Variants in FRS2 observed in about 807,000 individuals in gnomAD.
FRS2 encodes fibroblast growth factor receptor substrate 2, also known as FGFR signalling adaptor.
In FRS2, 8 loss-of-function variants were observed where a neutral mutation model predicts 43.9. That is an observed-to-expected ratio of 0.18 (90% confidence interval 0.11 to 0.33). The LOEUF is 0.33. Ranked by LOEUF, FRS2 falls within the 10% of genes least tolerant of loss-of-function variation. FRS2 has a pLI of 1.00. For synonymous variants in FRS2, 219 were observed against 220.3 expected, an observed-to-expected ratio of 0.99 and a Z score of 0.05; for missense variants, 534 against 627.6, an observed-to-expected ratio of 0.85 and a Z score of 1.59.
chr12:69,475,419 T>C lies in FRS2; in HGVS notation c.-261+4889T>C, dbSNP rs1870676086. Among the ~76,000 whole-genome samples, 7 of 152,154 alleles carry C rather than the reference T, an allele frequency of 4.6e-5. No homozygotes were observed. In the South Asian group the frequency reaches 1.4e-3, roughly 32 times the overall value. ...TGGCTTAGTTTCAGTAAGCCTGGTATTAATGAGGCAAAGGTCAGGAGTTCC... is the reference window on the plus strand; with the variant it reads ...TGGCTTAGTTTCAGTAAGCCTGGTACTAATGAGGCAAAGGTCAGGAGTTCC... On this transcript the variant is annotated intron_variant, in intron 1 of 8. Transcript: ENST00000549921.
At position 69,503,537 on chromosome 12, in the gene FRS2, C is replaced by G. The variant is rs538266916; in HGVS notation, c.-260-27328C>G. 7.9e-5 allele frequency among the ~76,000 whole-genome samples: 12 copies of G among 152,260 alleles called. No individual in the cohort carries two copies. The South Asian group carries it at 2.5e-3, about 32-fold the overall frequency. ...ATTGCATGGCTGCCAGTAAGTGATG[C>G]AGTCGCCTCTTGTGTGTGGTGTGTG... On this transcript the variant is annotated intron_variant, in intron 1 of 8. Coordinates refer to ENST00000549921, the MANE Select transcript of FRS2 (RefSeq NM_001278356.2).
chr12:69,502,978 C>T (rs549530821), intron 1 of FRS2, among the ~76,000 whole-genome samples: 1 of 152,246 alleles, frequency 6.6e-6, no homozygotes, highest in Non-Finnish European at 1.5e-5. Context: ...TCAGTGGCAC[C>T]CACAGTTCTA....
intron 1 of FRS2, among the ~76,000 whole-genome samples, chr12:69,527,221 C>A (rs1222941772): frequency 6.6e-6 from 1 of 152,010 alleles, no homozygotes; most frequent in Non-Finnish European, 1.5e-5. Flanking sequence ...TGGATTCACC[C>A]CTTAATGCCC....
chr12:69,571,015 A>G (rs546083114), intron 6 of FRS2, among the ~76,000 whole-genome samples: 1 of 152,322 alleles, frequency 6.6e-6, no homozygotes, highest in East Asian at 1.9e-4. Context: ...GAAACAGACT[A>G]GCGTAAGTGC....
intron 3 of FRS2, among the ~76,000 whole-genome samples, chr12:69,558,580 C>A (rs1203529374): frequency 2.0e-5 from 3 of 152,104 alleles, no homozygotes; most frequent in African/African-American, 7.2e-5. Context: ...TCTTCTTAAT[C>A]TGGATTGCCC....
intron 7 of FRS2, among the ~76,000 whole-genome samples, chr12:69,571,667 T>C (rs1474413318): frequency 1.3e-5 from 2 of 152,152 alleles, no homozygotes; most frequent in Non-Finnish European, 2.9e-5. Flanking sequence ...CGAGACCATC[T>C]TGGCTAACAC....
intron 1 of FRS2, among the ~76,000 whole-genome samples, chr12:69,496,231 T>C (rs1183853379): frequency 6.6e-6 from 1 of 151,940 alleles, no homozygotes; most frequent in Non-Finnish European, 1.5e-5. Flanking sequence ...GGTCAGGAGA[T>C]CGAGACCATC....
At chr12:69,556,487 C>T (rs996482469) in intron 3 of FRS2, among the ~76,000 whole-genome samples, 13 of 152,058 alleles carry the variant, frequency 8.5e-5, no homozygotes, top group Non-Finnish European at 1.0e-4. Flanking sequence ...CATGTACCAT[C>T]GCACCCGGCT....
chr12:69,531,855 T>G (rs1013759797), intron 2 of FRS2, among the ~76,000 whole-genome samples, 159 bp from the exon 3 acceptor site: 1 of 152,220 alleles, frequency 6.6e-6, no homozygotes, highest in African/African-American at 2.4e-5. Flanking sequence ...TTATAACACA[T>G]ACTTTTGTTA....
chr12:69,519,230 C>T (rs772724322), intron 1 of FRS2, among the ~76,000 whole-genome samples: 30 of 152,022 alleles, frequency 2.0e-4, no homozygotes, highest in African/African-American at 6.8e-4. Context: ...AAGTCAGTTC[C>T]CTGGGATTGT....
At chr12:69,479,273 A>G (rs889368580) in intron 1 of FRS2, among the ~76,000 whole-genome samples, 1 of 151,666 alleles carries the variant, frequency 6.6e-6, no homozygotes, top group African/African-American at 2.4e-5. Flanking sequence ...TATATTCTAG[A>G]TTAGCAGTTG....
chr12:69,532,625 C>T (rs1291958007), intron 3 of FRS2, among the ~76,000 whole-genome samples: 1 of 152,150 alleles, frequency 6.6e-6, no homozygotes, highest in East Asian at 1.9e-4. Context: ...AAGGTCCCGT[C>T]TCTTAATACT....
At chr12:69,563,593 G>T (rs984492425) in intron 4 of FRS2, among the ~76,000 whole-genome samples, 2 of 152,076 alleles carry the variant, frequency 1.3e-5, no homozygotes, top group African/African-American at 4.8e-5. Context: ...CTATCCTGTG[G>T]ACTGCTGAGC....
At chr12:69,554,613 T>C (rs1565770478) in intron 3 of FRS2, among the ~76,000 whole-genome samples, 1 of 152,250 alleles carries the variant, frequency 6.6e-6, no homozygotes. Context: ...TACAATACTA[T>C]TAACTAAACT....
At chr12:69,497,487 C>T (rs910111920) in intron 1 of FRS2, among the ~76,000 whole-genome samples, 8 of 152,162 alleles carry the variant, frequency 5.3e-5, no homozygotes, top group African/African-American at 1.9e-4. Context: ...CTCCCTTCAA[C>T]CTCTTTTATA....
At chr12:69,547,025 A>C (rs1479788618) in intron 3 of FRS2, among the ~76,000 whole-genome samples, 1 of 152,216 alleles carries the variant, frequency 6.6e-6, no homozygotes, top group East Asian at 1.9e-4. Flanking sequence ...GTGGAATATT[A>C]TTCAGCCTTA....
chr12:69,565,514 AACAC>A (rs1044483728), intron 4 of FRS2, among the ~76,000 whole-genome samples: 1 of 152,198 alleles, frequency 6.6e-6, no homozygotes, highest in African/African-American at 2.4e-5. Flanking sequence ...TTTAGCTTAA[AACAC>A]ACACATTCTA....
At chr12:69,518,055 A>G (rs1187897315) in intron 1 of FRS2, among the ~76,000 whole-genome samples, 1 of 152,110 alleles carries the variant, frequency 6.6e-6, no homozygotes, top group Non-Finnish European at 1.5e-5. Flanking sequence ...CACTGAATTC[A>G]TTTGGCTTAT....
At chr12:69,485,867 A>G (rs1343289201) in intron 1 of FRS2, among the ~76,000 whole-genome samples, 1 of 152,192 alleles carries the variant, frequency 6.6e-6, no homozygotes. Context: ...TGAGATAGCT[A>G]TGTATTAAGA....
Sources: gnomAD v4.1 joint callset for allele counts (sites outside exome capture counted in the v4.1 genomes callset) on GRCh38, gnomAD v4.1.1 for gene constraint, MANE v1.5 for transcripts, NCBI Gene and HGNC (gene_info 2026-07-23, HGNC 2026-07-21) for gene names.